Variants in DDR2 observed in about 807,000 individuals in gnomAD.
DDR2 encodes discoidin domain-containing receptor 2.
DDR2 carries 27 observed loss-of-function variants against 94.9 expected under a neutral mutation model. The observed-to-expected ratio is 0.28, with a 90% CI of 0.21 to 0.39. The LOEUF (loss-of-function observed/expected upper bound fraction) is 0.39. DDR2 is among the 10% of genes least tolerant of loss of function. The probability of loss-of-function intolerance (pLI) is 1.00; values close to 1 mark genes in which losing one functional copy is unlikely to be tolerated. For synonymous variants in DDR2, 382 were observed against 377.2 expected (o/e 1.01, Z -0.15); for missense variants, 783 against 1,076.0 (o/e 0.73, Z 3.81).
Position 162,703,322 on chromosome 1 carries a change from G to C in DDR2, c.-27-15715G>C, listed in dbSNP as rs188478960. ...GAAAAAATTAGTTTCCAGTTCAAGA[G>C]AATGTTATCAACATCAATGAGGAGT... On this transcript the variant is annotated intron_variant, in intron 2 of 17. Transcript: ENST00000367921. Among the ~76,000 whole-genome samples, 169 of 152,302 alleles carry C rather than the reference G, an allele frequency of 1.1e-3. 1 individual carries two copies. Among genetic ancestry groups the C allele is most frequent in the African/African-American group, 3.7e-3 (155 of 41,564 alleles).
At chr1:162,693,564 C>A (rs1245234816) in intron 2 of DDR2, among the ~76,000 whole-genome samples, 2 of 152,146 alleles carry the variant, frequency 1.3e-5, no homozygotes. Context: ...AAGGGGACAG[C>A]AAGGTCCTTG....
At chr1:162,662,056 C>A (rs1187128685) in intron 2 of DDR2, among the ~76,000 whole-genome samples, 1 of 152,132 alleles carries the variant, frequency 6.6e-6, no homozygotes, top group East Asian at 1.9e-4. Context: ...TTATGTTAAA[C>A]CTTGTTTCTT....
At chr1:162,705,947 G>A (rs1660642812) in intron 2 of DDR2, among the ~76,000 whole-genome samples, 1 of 152,064 alleles carries the variant, frequency 6.6e-6, no homozygotes, top group Admixed American at 6.5e-5. Context: ...TGCCCTTCAG[G>A]GACTTACAGT....
At chr1:162,727,553 TAAA>T (rs1228970024) in intron 3 of DDR2, among the ~76,000 whole-genome samples, 1 of 147,732 alleles carries the variant, frequency 6.8e-6, no homozygotes, top group Non-Finnish European at 1.5e-5. Flanking sequence ...AAAATAAAAA[TAAA>T]TAAATAAATA....
intron 1 of DDR2, among the ~76,000 whole-genome samples, chr1:162,650,658 C>T (rs1283742949): frequency 1.3e-5 from 2 of 152,084 alleles, no homozygotes; most frequent in Admixed American, 6.5e-5. Context: ...CCCAGACTCC[C>T]AGGCTTTTCG....
intron 2 of DDR2, among the ~76,000 whole-genome samples, chr1:162,687,682 A>T (rs548203483): frequency 6.6e-6 from 1 of 152,070 alleles, no homozygotes; most frequent in South Asian, 2.1e-4. Context: ...TCCGGTGGGG[A>T]TGGAGGAGGT....
At chr1:162,664,684 C>T (rs545338488) in intron 2 of DDR2, among the ~76,000 whole-genome samples, 9 of 152,192 alleles carry the variant, frequency 5.9e-5, no homozygotes, top group South Asian at 4.1e-4. Flanking sequence ...ACTATGATGA[C>T]TTTTAGGTTA....
chr1:162,784,283 G>A lies in DDR2; in HGVS notation c.*4037G>A, dbSNP rs913550440. 1 of 154,264 alleles carries A rather than the reference G, an allele frequency of 6.5e-6. No individual in the cohort carries two copies. Among genetic ancestry groups the A allele is most frequent in the African/African-American group, 2.4e-5 (1 of 41,482 alleles). The allele number at this position is 154,264 out of a possible 1,614,324, so 9.6% of individuals were successfully genotyped here. ...AGTATGCTGAAACAGAACAGTGAAT[G>A]TTTTGCCCAAAACTACAAAAATAAA... is the stretch of plus-strand genomic sequence containing the variant. On this transcript the variant is annotated 3_prime_UTR_variant, in exon 18 of 18. Transcript: ENST00000367921.
rs1192551385 is a variant in DDR2 at position 162,786,577 on chromosome 1, A to G, written c.*6331A>G. On this transcript the variant is annotated 3_prime_UTR_variant, in exon 18 of 18. Coordinates refer to ENST00000367921, the MANE Select transcript of DDR2 (RefSeq NM_006182.4). ...GATTAAAGAGTCATGCTACTGATGG[A>G]TCTCCCTTTCTGTATAAACAGTGCC... is the stretch of plus-strand genomic sequence containing the variant. The G allele has an allele frequency of 6.6e-6, 1 of 152,222 alleles. No individual in the cohort carries two copies. Among genetic ancestry groups the G allele is most frequent in the Non-Finnish European group, 1.5e-5 (1 of 68,038 alleles). 9.4% of individuals were successfully genotyped at this position (152,222 alleles called of 1,614,324 possible).
At chr1:162,681,763 G>C (rs764002398) in intron 2 of DDR2, among the ~76,000 whole-genome samples, 1 of 152,122 alleles carries the variant, frequency 6.6e-6, no homozygotes, top group South Asian at 2.1e-4. Flanking sequence ...CCCCACAAAG[G>C]CTTCAACTCC....
chr1:162,667,374 C>T (rs1399762386), intron 2 of DDR2, among the ~76,000 whole-genome samples: 2 of 152,100 alleles, frequency 1.3e-5, no homozygotes, highest in African/African-American at 4.8e-5. Flanking sequence ...GGCCAGAGAC[C>T]CACACAGATA....
chr1:162,706,140 A>T (rs1660651279), intron 2 of DDR2, among the ~76,000 whole-genome samples: 1 of 152,214 alleles, frequency 6.6e-6, no homozygotes, highest in Non-Finnish European at 1.5e-5. Context: ...TGTGTATGAC[A>T]TCTGTGTATG....
intron 2 of DDR2, among the ~76,000 whole-genome samples, chr1:162,672,052 C>T (rs151050750): frequency 1.3e-5 from 2 of 152,316 alleles, no homozygotes; most frequent in Non-Finnish European, 2.9e-5. Context: ...CTCTTTAGAG[C>T]TACCAGAGCA....
rs949566726 is a variant in DDR2, at chr1:162,785,478, G to A, written c.*5232G>A. 3 of 152,084 alleles carry A rather than the reference G, an allele frequency of 2.0e-5. No homozygotes were observed. The highest frequency in any genetic ancestry group is 2.9e-5 in the Non-Finnish European group (2 of 68,018). 9.4% of individuals were successfully genotyped at this position (152,084 alleles called of 1,614,324 possible). On this transcript the variant is annotated 3_prime_UTR_variant, in exon 18 of 18. Coordinates refer to ENST00000367921, the MANE Select transcript of DDR2 (RefSeq NM_006182.4). ...AGACCAAATTAATTGCAAACACAGC[G>A]GCAACCTGGGGAGAAGTTGAAACTC...
rs763154352 is a variant in DDR2, at chr1:162,772,208, A to C, written c.1689A>C (p.Leu563=). Residue 563 remains leucine (L), a synonymous_variant, in exon 13 of 18, where the codon CTA becomes CTC. Coordinates refer to ENST00000367921, the MANE Select transcript of DDR2 (RefSeq NM_006182.4). The part of the protein sequence containing the change: ...VAVEEFPRKL[L]TFKEKLGEGQ... Reference sequence around the variant, plus strand: ...TGGAGGAGTTCCCCAGGAAACTCCTAACTTTCAAAGAGAAGCTGGGAGAAG... The same window carrying C: ...TGGAGGAGTTCCCCAGGAAACTCCTCACTTTCAAAGAGAAGCTGGGAGAAG... 1 of 1,614,250 alleles carries C rather than the reference A, an allele frequency of 6.2e-7. No individual in the cohort carries two copies.
rs145210061 is a variant in DDR2, at chr1:162,785,704, T to C, written c.*5458T>C. 371 of 152,296 alleles carry C rather than the reference T, an allele frequency of 2.4e-3. 3 individuals carry two copies. The highest frequency in any genetic ancestry group is 8.1e-3 in the African/African-American group (338 of 41,558). 9.4% of individuals were successfully genotyped at this position (152,296 alleles called of 1,614,324 possible). A position where few individuals can be genotyped will look rare whatever the true frequency, so the allele number is the denominator to read the frequency against. On this transcript the variant is annotated 3_prime_UTR_variant, in exon 18 of 18. Coordinates refer to ENST00000367921, the MANE Select transcript of DDR2 (RefSeq NM_006182.4). ...CTCATCCAGTTAACTAGAGTGAATGTAGGGAGAATTGTTTTGCTTGTAACA... is the reference window on the plus strand; with the variant it reads ...CTCATCCAGTTAACTAGAGTGAATGCAGGGAGAATTGTTTTGCTTGTAACA...
chr1:162,650,781 A>G (rs1657650367), intron 1 of DDR2, among the ~76,000 whole-genome samples: 1 of 151,952 alleles, frequency 6.6e-6, no homozygotes, highest in Non-Finnish European at 1.5e-5. Context: ...GCTGTAGTGC[A>G]GTGGCTCGAT....
At chr1:162,740,565 C>G (rs1386039707) in intron 3 of DDR2, among the ~76,000 whole-genome samples, 1 of 152,120 alleles carries the variant, frequency 6.6e-6, no homozygotes, top group East Asian at 1.9e-4. Context: ...TCTAAGAAGC[C>G]TACCTTGATT....
intron 2 of DDR2, among the ~76,000 whole-genome samples, chr1:162,688,177 A>G (rs547487560): frequency 2.2e-4 from 33 of 152,356 alleles, no homozygotes; most frequent in African/African-American, 6.7e-4. Flanking sequence ...AGTGAGACTG[A>G]CATGTCTCCA....
Sources: gnomAD v4.1 joint callset for allele counts (sites outside exome capture counted in the v4.1 genomes callset) on GRCh38, gnomAD v4.1.1 for gene constraint, MANE v1.5 for transcripts, NCBI Gene and HGNC (gene_info 2026-07-23, HGNC 2026-07-21) for gene names.